PCDHGA5: variants seen among roughly 807,000 people sequenced by gnomAD.
PCDHGA5 encodes protocadherin gamma-A5.
A neutral mutation model predicts 56.7 loss-of-function variants in PCDHGA5; 36 were observed. That is an observed-to-expected ratio of 0.64 (90% confidence interval 0.49 to 0.84). The LOEUF (loss-of-function observed/expected upper bound fraction) is 0.84, where lower values mean the gene tolerates loss of function less well. PCDHGA5 is among the 40% of genes least tolerant of loss of function. The probability of loss-of-function intolerance (pLI) is 0.00; values close to 1 mark genes in which losing one functional copy is unlikely to be tolerated. For synonymous variants in PCDHGA5, 563 were observed against 520.2 expected (o/e 1.08, Z -1.12); for missense variants, 1,305 against 1,201.5 (o/e 1.09, Z -1.27).
intron 1 of PCDHGA5, chr5:141,372,467 C>T: frequency 6.2e-7 from 1 of 1,614,050 alleles, no homozygotes; most frequent in Non-Finnish European, 8.5e-7. Flanking sequence ...TACAGTTTCA[C>T]CTAGTAGTGG....
intron 1 of PCDHGA5, chr5:141,408,821 T>C (rs774934223): frequency 1.4e-5 from 23 of 1,613,250 alleles, no homozygotes; most frequent in African/African-American, 2.7e-5. Flanking sequence ...AGAACAGAGA[T>C]CTCATAGCTT....
In PCDHGA5 at chr5:141,364,881, G is replaced by A. The variant is rs1274418788; in HGVS notation, c.551G>A (p.Ser184Asn). 2 of 1,613,898 alleles carry A rather than the reference G, an allele frequency of 1.2e-6. No homozygotes were observed. The highest frequency in any genetic ancestry group is 1.7e-5 in the Admixed American group (1 of 60,010). The change falls in exon 1 of 4, where the codon AGC (serine) becomes AAC (asparagine). Residue 184 changes from serine (S) to asparagine (N), a missense_variant. By Grantham distance (46) the Ser-to-Asn change is conservative. Transcript: ENST00000518069. ...CTGCACTTCTCTCTGGATGTGGTAA[G>A]CGGAACTGATGGACAAAAGTATCCG... ...SNLHFSLDVVSGTDGQKYPEL... is the reference protein window; with the variant it reads ...SNLHFSLDVVNGTDGQKYPEL...
intron 1 of PCDHGA5, chr5:141,373,862 A>G (rs1168900381): frequency 6.5e-6 from 3 of 464,904 alleles, no homozygotes; most frequent in Non-Finnish European, 1.1e-5. Flanking sequence ...GCTGTTGACC[A>G]ACCTGGGCAA....
In PCDHGA5 at chr5:141,430,843, C is replaced by T. The variant is rs1370427603; in HGVS notation, c.2422-63964C>T. 2.6e-6 allele frequency: 4 copies of T among 1,568,356 alleles called. No homozygotes were observed. The African/African-American group carries it at 4.1e-5, about 16-fold the overall frequency. On this transcript the variant is annotated intron_variant, in intron 1 of 3. Coordinates refer to ENST00000518069, the MANE Select transcript of PCDHGA5 (RefSeq NM_018918.3). ...TGGGGACTCTGTGGGAGACCGGATG[C>T]ACCCAGATACGCTATTCAGTTCCGG...
chr5:141,415,189 A>T (rs575244490), intron 1 of PCDHGA5: 2 of 1,613,840 alleles, frequency 1.2e-6, no homozygotes, highest in Non-Finnish European at 1.7e-6. Context: ...GGCCGACAGC[A>T]TCCCCCAAGT....
chr5:141,366,208 G>A lies in PCDHGA5; in HGVS notation c.1878G>A (p.Val626=), dbSNP rs1017414789. ...CGGTTGGGCTGCACACGGGCGAGGTGCGCACAGCGCGAGCCCTGCTGGACA... is the reference window on the plus strand; with the variant it reads ...CGGTTGGGCTGCACACGGGCGAGGTACGCACAGCGCGAGCCCTGCTGGACA... ...LFAVGLHTGE[V]RTARALLDRD... is the part of the protein sequence containing the mutation. The change falls in exon 1 of 4, where the codon GTG becomes GTA. Residue 626 remains valine, a synonymous_variant. Transcript: ENST00000518069. 1.2e-6 allele frequency: 2 copies of A among 1,613,700 alleles called. No individual in the cohort carries two copies. The highest frequency in any genetic ancestry group is 1.3e-5 in the African/African-American group (1 of 74,960).
intron 1 of PCDHGA5, among the ~76,000 whole-genome samples, chr5:141,457,459 C>G (rs749463185): frequency 1.6e-4 from 24 of 152,166 alleles, no homozygotes; most frequent in Non-Finnish European, 3.4e-4. Context: ...CCACTTGATT[C>G]ACAGGAATAA....
chr5:141,410,885 G>A (rs970749503), intron 1 of PCDHGA5: 7 of 287,302 alleles, frequency 2.4e-5, no homozygotes, highest in African/African-American at 1.6e-4. Context: ...ATGGAGTCTC[G>A]CACTGTTGCC....
At chr5:141,382,962 G>C in intron 1 of PCDHGA5, 1 of 1,607,858 alleles carries the variant, frequency 6.2e-7, no homozygotes, top group Admixed American at 1.7e-5. Flanking sequence ...TCCTCCTGGG[G>C]ACCCCCTGGG....
intron 1 of PCDHGA5, among the ~76,000 whole-genome samples, chr5:141,452,815 A>G (rs1199990390): frequency 6.6e-6 from 1 of 152,186 alleles, no homozygotes; most frequent in Admixed American, 6.5e-5. Flanking sequence ...TTTGTTCATA[A>G]GAAGCAAAAT....
At chr5:141,388,115 G>C (rs747417828) in intron 1 of PCDHGA5, 1 of 1,410,070 alleles carries the variant, frequency 7.1e-7, no homozygotes. Flanking sequence ...ACTTCACCGT[G>C]AGCGCAGAGA....
chr5:141,454,587 G>A (rs1000852095), intron 1 of PCDHGA5, among the ~76,000 whole-genome samples: 22 of 150,902 alleles, frequency 1.5e-4, no homozygotes, highest in African/African-American at 5.4e-4. Context: ...TGTATTTTTA[G>A]TAGAGACAGG....
intron 1 of PCDHGA5, chr5:141,415,362 G>A (rs769596449): frequency 4.3e-6 from 7 of 1,614,126 alleles, no homozygotes; most frequent in African/African-American, 1.3e-5. Context: ...CACGCCTGCT[G>A]CAGGCTTCAG....
intron 1 of PCDHGA5, chr5:141,383,576 C>T (rs1298305290): frequency 6.2e-7 from 1 of 1,613,446 alleles, no homozygotes; most frequent in Non-Finnish European, 8.5e-7. Flanking sequence ...TCCAGCACCG[C>T]CCACATCCAG....
At chr5:141,502,961 A>G (rs886622146) in intron 2 of PCDHGA5, among the ~76,000 whole-genome samples, 3 of 146,786 alleles carry the variant, frequency 2.0e-5, no homozygotes, top group Non-Finnish European at 4.4e-5. Context: ...CTCCTGCCTC[A>G]GCCTCCCAAG....
intron 1 of PCDHGA5, chr5:141,394,518 A>C (rs1256235757): frequency 6.2e-7 from 1 of 1,614,094 alleles, no homozygotes; most frequent in Non-Finnish European, 8.5e-7. Flanking sequence ...CGCCCTCCCC[A>C]CAGACGGTTC....
chr5:141,414,087 A>G (rs377653676), intron 1 of PCDHGA5: 31 of 1,599,656 alleles, frequency 1.9e-5, no homozygotes, highest in Middle Eastern at 3.3e-4. Context: ...ATACTGGAGA[A>G]ATAAAAATAT....
intron 1 of PCDHGA5, chr5:141,413,232 G>A (rs374674787): frequency 1.1e-4 from 170 of 1,613,834 alleles, no homozygotes; most frequent in Non-Finnish European, 1.4e-4. Context: ...GGCTGGTCCT[G>A]CTCTGCCTTT....
At chr5:141,414,916 C>T in intron 1 of PCDHGA5, 2 of 1,614,194 alleles carry the variant, frequency 1.2e-6, no homozygotes, top group Non-Finnish European at 1.7e-6. Context: ...AGGCGTGGAG[C>T]TGGCGCCCCG....
Sources: allele counts gnomAD v4.1 joint callset (sites outside exome capture counted in the v4.1 genomes callset), GRCh38; gene constraint gnomAD v4.1.1; transcripts MANE v1.5; gene names NCBI Gene and HGNC (gene_info 2026-07-23, HGNC 2026-07-21).